TPP2: variants seen among roughly 807,000 people sequenced by gnomAD.
TPP2 encodes the protein tripeptidyl-peptidase 2.
Under a neutral mutation model 155.9 loss-of-function variants are expected in TPP2, and 34 were observed. The observed-to-expected ratio is 0.22, with a 90% confidence interval of 0.17 to 0.29. The LOEUF (loss-of-function observed/expected upper bound fraction) is 0.29. Ranked by LOEUF, TPP2 falls within the 10% of genes least tolerant of loss-of-function variation. The pLI is 1.00. For synonymous variants in TPP2, 510 were observed against 529.4 expected (o/e 0.96, Z 0.50); for missense variants, 1,028 against 1,522.3 (o/e 0.68, Z 5.40).
intron 26 of TPP2, among the ~76,000 whole-genome samples, chr13:102,664,444 T>C (rs1229523084): frequency 3.3e-5 from 5 of 152,084 alleles, no homozygotes; most frequent in Non-Finnish European, 7.4e-5. Context: ...GTAATGACAA[T>C]AGCCAATCAC....
At chr13:102,647,790 A>G (rs1883223758) in intron 21 of TPP2, among the ~76,000 whole-genome samples, 1 of 152,216 alleles carries the variant, frequency 6.6e-6, no homozygotes, top group Non-Finnish European at 1.5e-5. Flanking sequence ...ACCTCGTTGG[A>G]CAACTCTGTA....
At chr13:102,636,762 A>G (rs569100585) in intron 13 of TPP2, among the ~76,000 whole-genome samples, 1 of 152,364 alleles carries the variant, frequency 6.6e-6, no homozygotes, top group Admixed American at 6.5e-5. Flanking sequence ...CAGCTCGATT[A>G]GGTGTGAACA....
intron 27 of TPP2, among the ~76,000 whole-genome samples, chr13:102,672,875 A>C (rs2139617368): frequency 6.6e-6 from 1 of 152,334 alleles, no homozygotes; most frequent in East Asian, 1.9e-4. Flanking sequence ...CTCTACAAAA[A>C]GGCAGTGAAA....
chr13:102,600,816 T>C (rs1418528980), intron 1 of TPP2, among the ~76,000 whole-genome samples: 1 of 152,044 alleles, frequency 6.6e-6, no homozygotes, highest in Admixed American at 6.6e-5. Context: ...TTTCCCTCAT[T>C]CCCCCCAAGT....
chr13:102,626,988 A>G (rs1881669908), intron 6 of TPP2, 24 bp from the exon 7 acceptor site: 4 of 1,502,348 alleles, frequency 2.7e-6, no homozygotes, highest in Non-Finnish European at 2.7e-6. Context: ...ATGTTTTGTC[A>G]TTTCCCCACC....
intron 21 of TPP2, among the ~76,000 whole-genome samples, chr13:102,647,774 T>C (rs1325658133): frequency 6.6e-6 from 1 of 152,178 alleles, no homozygotes; most frequent in Non-Finnish European, 1.5e-5. Flanking sequence ...TACTTTTAAA[T>C]TTACTACCTC....
intron 10 of TPP2, chr13:102,631,612 G>A (rs1009384634): frequency 2.0e-5 from 3 of 152,212 alleles, no homozygotes; most frequent in African/African-American, 4.8e-5. Context: ...AGCCTTTGCC[G>A]ATACTCGCCA....
At chr13:102,626,640 G>A (rs1442405654) in intron 6 of TPP2, among the ~76,000 whole-genome samples, 1 of 152,172 alleles carries the variant, frequency 6.6e-6, no homozygotes, top group Non-Finnish European at 1.5e-5. Flanking sequence ...ATTCTAAAAG[G>A]TACGTAGAAG....
intron 1 of TPP2, 87 bp downstream of exon 1, chr13:102,597,290 A>G (rs962780400): frequency 1.5e-4 from 116 of 775,046 alleles, no homozygotes; most frequent in Non-Finnish European, 2.0e-4. Context: ...CGGCAGGCCA[A>G]AGCCCCGCTC....
At chr13:102,648,429 CGTGTGTGTGTGTGT>C (rs56934655) in intron 21 of TPP2, among the ~76,000 whole-genome samples, 62,944 of 147,990 alleles carry the variant, frequency 0.43, 13,284 homozygotes, top group Non-Finnish European at 0.46. Context: ...ATAAGTTACA[CGTGTGTGTGTGTGT>C]GTGTGTGTGT....
At chr13:102,608,100 T>C (rs1879989765) in intron 2 of TPP2, 3 of 152,306 alleles carry the variant, frequency 2.0e-5, no homozygotes, top group African/African-American at 7.2e-5. Context: ...TCATTGTGGG[T>C]TTTTAAACTT....
At chr13:102,615,930 A>G (rs1230111528) in intron 3 of TPP2, among the ~76,000 whole-genome samples, 1 of 151,944 alleles carries the variant, frequency 6.6e-6, no homozygotes, top group Non-Finnish European at 1.5e-5. Flanking sequence ...TAAGTGATCC[A>G]TGGCTTTATC....
At chr13:102,654,490 A>G (rs932022487) in intron 24 of TPP2, among the ~76,000 whole-genome samples, 9 of 152,278 alleles carry the variant, frequency 5.9e-5, no homozygotes, top group Middle Eastern at 3.4e-3. Flanking sequence ...TAAATCCTAA[A>G]TTAATTTTAA....
At chr13:102,674,722 T>G (rs1167922868) in intron 28 of TPP2, among the ~76,000 whole-genome samples, 1 of 152,220 alleles carries the variant, frequency 6.6e-6, no homozygotes, top group Non-Finnish European at 1.5e-5. Context: ...AAAAACAGTT[T>G]GAGAATATGT....
chr13:102,598,307 T>C (rs898199438), intron 1 of TPP2, among the ~76,000 whole-genome samples: 3 of 152,174 alleles, frequency 2.0e-5, no homozygotes, highest in Non-Finnish European at 2.9e-5. Flanking sequence ...ACACTCATCC[T>C]CCTCCCCACA....
chr13:102,640,360 G>A lies in TPP2; in HGVS notation c.2004G>A (p.Glu668=), dbSNP rs1478577801. 1 of 1,613,428 alleles carries A rather than the reference G, an allele frequency of 6.2e-7. No homozygotes were observed. The highest frequency in any genetic ancestry group is 2.2e-5 in the East Asian group (1 of 44,806). Residue 668 remains glutamate, a synonymous_variant, in exon 16 of 30, where the codon GAG becomes GAA. Coordinates refer to ENST00000376052, the MANE Select transcript of TPP2 (RefSeq NM_001330588.2). ...QIRRHFIEVP[E]GATWAEVTVC... is the part of the protein sequence containing the mutation. ...GAAGGCATTTTATTGAGGTTCCTGA[G>A]GGTGCAACATGGGCTGGTAGGTAAA... is the stretch of plus-strand genomic sequence containing the variant.
At chr13:102,655,472 TAATA>T (rs918750527) in intron 24 of TPP2, among the ~76,000 whole-genome samples, 6 of 152,326 alleles carry the variant, frequency 3.9e-5, no homozygotes, top group African/African-American at 1.4e-4. Flanking sequence ...GGAACTGACT[TAATA>T]AATAACGACT....
intron 2 of TPP2, among the ~76,000 whole-genome samples, chr13:102,610,424 T>G (rs1880201866): frequency 6.6e-6 from 1 of 152,088 alleles, no homozygotes; most frequent in South Asian, 2.1e-4. Context: ...GAGACTGGGT[T>G]TCACCATGCT....
In TPP2 at chr13:102,674,297, A is replaced by G; in HGVS notation, c.3386A>G (p.Gln1129Arg). Residue 1129 changes from glutamine (Q) to arginine (R), a missense_variant, in exon 28 of 30, where the codon CAA becomes CGA. Physicochemically the swap from Gln to Arg is conservative, Grantham distance 43. Transcript: ENST00000376052. ...TTGCTGTACAGTGACATGGACAAAC[A>G]AAAATCCACCCTCGTAGATGCCCTT... ...AATIKNDMDK[Q>R]KSTLVDALCR... The G allele has an allele frequency of 6.2e-7, 1 of 1,613,626 alleles. No homozygotes were observed. Among genetic ancestry groups the G allele is most frequent in the Non-Finnish European group, 8.5e-7 (1 of 1,179,656 alleles).
Sources: allele counts gnomAD v4.1 joint callset (sites outside exome capture counted in the v4.1 genomes callset), GRCh38; gene constraint gnomAD v4.1.1; transcripts MANE v1.5; gene names NCBI Gene and HGNC (gene_info 2026-07-23, HGNC 2026-07-21).